HPSE2: variants seen among roughly 807,000 people sequenced by gnomAD.
The protein encoded by HPSE2 is heparanase 2 (inactive).
In HPSE2, 38 loss-of-function variants were observed where a neutral mutation model predicts 60.5. The ratio of observed to expected loss-of-function variants is 0.63; its 90% CI spans 0.48 to 0.82. The LOEUF (loss-of-function observed/expected upper bound fraction) is 0.82, where lower values mean the gene tolerates loss of function less well. Ranked by LOEUF, HPSE2 falls within the 40% of genes least tolerant of loss-of-function variation. The probability of loss-of-function intolerance (pLI) is 0.00; values close to 1 mark genes in which losing one functional copy is unlikely to be tolerated. For synonymous variants in HPSE2, 295 were observed against 293.2 expected (o/e 1.01, Z -0.06); for missense variants, 713 against 740.4 (o/e 0.96, Z 0.43).
chr10:99,023,583 TCATAGTAATGGTGG>T (rs1347081035), intron 3 of HPSE2, among the ~76,000 whole-genome samples: 7 of 152,158 alleles, frequency 4.6e-5, no homozygotes, highest in Admixed American at 4.6e-4. Context: ...CCCAGCACAG[TCATAGTAATGGTGG>T]CAACAGAGGT....
intron 7 of HPSE2, among the ~76,000 whole-genome samples, chr10:98,639,003 T>C (rs1485646735): frequency 6.6e-6 from 1 of 152,192 alleles, no homozygotes; most frequent in Non-Finnish European, 1.5e-5. Flanking sequence ...TCCAGAATCT[T>C]GCCACTCCCG....
chr10:98,588,369 C>T (rs554480450), intron 9 of HPSE2, among the ~76,000 whole-genome samples: 21 of 152,212 alleles, frequency 1.4e-4, no homozygotes, highest in African/African-American at 4.6e-4. Context: ...GAAAGACAGG[C>T]ATGCAAGTGT....
At chr10:98,840,989 G>A (rs978463697) in intron 3 of HPSE2, among the ~76,000 whole-genome samples, 6 of 152,114 alleles carry the variant, frequency 3.9e-5, no homozygotes, top group African/African-American at 1.4e-4. Context: ...AACTATAATA[G>A]GTACAGCTGG....
chr10:99,105,890 CTT>C (rs993415778), intron 3 of HPSE2, among the ~76,000 whole-genome samples: 2 of 151,996 alleles, frequency 1.3e-5, no homozygotes, highest in African/African-American at 4.8e-5. Context: ...GCTTTTCACT[CTT>C]ATATTGTTTT....
intron 9 of HPSE2, among the ~76,000 whole-genome samples, chr10:98,592,070 C>A (rs544061395): frequency 9.2e-5 from 14 of 152,208 alleles, no homozygotes; most frequent in Non-Finnish European, 7.3e-5. Context: ...GCTTCAGTTT[C>A]TCTTGGTTTG....
intron 3 of HPSE2, among the ~76,000 whole-genome samples, chr10:99,055,206 C>T (rs950831753): frequency 2.6e-5 from 4 of 152,124 alleles, no homozygotes; most frequent in African/African-American, 9.7e-5. Flanking sequence ...CAGACAAAGA[C>T]ATTCGAGCAG....
chr10:99,103,743 G>T (rs1303225367), intron 3 of HPSE2, among the ~76,000 whole-genome samples: 1 of 152,066 alleles, frequency 6.6e-6, no homozygotes, highest in African/African-American at 2.4e-5. Context: ...ATACTACAAG[G>T]CTACAGTAAC....
the HPSE2 span, among the ~76,000 whole-genome samples, chr10:99,301,023 A>T: frequency 6.6e-6 from 1 of 152,066 alleles, no homozygotes; most frequent in African/African-American, 2.4e-5. Flanking sequence ...GGCAGTAGTC[A>T]CAGTTCATTC....
At chr10:98,566,859 T>C (rs522425) in intron 9 of HPSE2, among the ~76,000 whole-genome samples, 129,312 of 152,184 alleles carry the variant, frequency 0.85, 56,202 homozygotes, top group East Asian at 1. Context: ...AGAGTAATAA[T>C]GAAAAGAAAA....
chr10:98,971,565 T>C (rs10883233), intron 3 of HPSE2, among the ~76,000 whole-genome samples: 22,564 of 152,208 alleles, frequency 0.15, 2,460 homozygotes, highest in African/African-American at 0.3. Flanking sequence ...TATTGTACTA[T>C]ATATTGCTGC....
intron 3 of HPSE2, among the ~76,000 whole-genome samples, chr10:98,768,890 A>C (rs1303533468): frequency 6.6e-6 from 1 of 152,128 alleles, no homozygotes; most frequent in Non-Finnish European, 1.5e-5. Context: ...ATCTCTGCTA[A>C]AAATACAAAA....
chr10:98,996,140 A>ATACAG (rs1340118934), intron 3 of HPSE2, among the ~76,000 whole-genome samples: 3 of 152,184 alleles, frequency 2.0e-5, no homozygotes, highest in African/African-American at 7.2e-5. Flanking sequence ...CAGATTGGTT[A>ATACAG]ATGATATTAT....
intron 3 of HPSE2, among the ~76,000 whole-genome samples, chr10:98,858,576 G>C (rs936246113): frequency 6.6e-6 from 1 of 152,162 alleles, no homozygotes; most frequent in African/African-American, 2.4e-5. Flanking sequence ...CTAAAAGCTA[G>C]AGATTAAAAG....
chr10:99,068,578 A>T (rs577792702), intron 3 of HPSE2, among the ~76,000 whole-genome samples: 1 of 152,220 alleles, frequency 6.6e-6, no homozygotes, highest in Non-Finnish European at 1.5e-5. Flanking sequence ...CCACATGTGG[A>T]TTATTACAAT....
intron 6 of HPSE2, among the ~76,000 whole-genome samples, chr10:98,653,889 G>A (rs1946987319): frequency 6.6e-6 from 1 of 151,800 alleles, no homozygotes; most frequent in African/African-American, 2.4e-5. Context: ...TGCAGGGAAA[G>A]TCTGCTGGTG....
chr10:98,737,458 C>T lies in HPSE2; in HGVS notation c.784+6425G>A, dbSNP rs1037537161. ...GGTGCAGCCCAGTGTTGTATCTGGG[C>T]CAGCAAGCACTATCCATCACAGCAT... On this transcript the variant is annotated intron_variant, in intron 4 of 11. Coordinates refer to ENST00000370552, the MANE Select transcript of HPSE2 (RefSeq NM_021828.5). 6.0e-5 allele frequency among the ~76,000 whole-genome samples: 6 copies of T among 100,178 alleles called. 1 individual carries two copies. The highest frequency in any genetic ancestry group is 1.3e-4 in the African/African-American group (4 of 29,722). 65.7% of individuals were successfully genotyped at this position (100,178 alleles called of 152,430 possible). A position where few individuals can be genotyped will look rare whatever the true frequency, so the allele number is the denominator to read the frequency against.
intron 2 of HPSE2, among the ~76,000 whole-genome samples, chr10:99,181,275 G>C (rs1363826812): frequency 4.0e-5 from 6 of 148,930 alleles, no homozygotes; most frequent in Non-Finnish European, 9.0e-5. Context: ...GCGGGCGCCT[G>C]TAGTCCCAGC....
At chr10:98,575,925 T>C (rs1238868732) in intron 9 of HPSE2, among the ~76,000 whole-genome samples, 1 of 152,212 alleles carries the variant, frequency 6.6e-6, no homozygotes, top group South Asian at 2.1e-4. Context: ...AATTACCTTG[T>C]AGAATTTCAC....
At chr10:98,938,227 A>G (rs1176722887) in intron 3 of HPSE2, among the ~76,000 whole-genome samples, 1 of 145,104 alleles carries the variant, frequency 6.9e-6, no homozygotes, top group Non-Finnish European at 1.5e-5. Context: ...CAACGGAACA[A>G]AGCTGGACGG....
Sources: gnomAD v4.1 joint callset for allele counts (sites outside exome capture counted in the v4.1 genomes callset) on GRCh38, gnomAD v4.1.1 for gene constraint, MANE v1.5 for transcripts, NCBI Gene and HGNC (gene_info 2026-07-23, HGNC 2026-07-21) for gene names.